The following MUC17 variants were observed in gnomAD, a reference collection of about 807,000 sequenced individuals.
MUC17 encodes mucin-17.
A neutral mutation model predicts 170.3 loss-of-function variants in MUC17; 190 were observed. That is an observed-to-expected ratio of 1.12 (90% CI 0.99 to 1.26). The LOEUF (loss-of-function observed/expected upper bound fraction) is 1.26. Ranked by LOEUF, MUC17 falls within the 50% of genes most tolerant of loss-of-function variation. The probability of loss-of-function intolerance (pLI) is 0.00; values close to 1 mark genes in which losing one functional copy is unlikely to be tolerated. For missense variants in MUC17, 6,415 were observed against 5,530.0 expected, an observed-to-expected ratio of 1.16 and a Z score of -5.08; for synonymous variants, 2,325 against 2,002.5, an observed-to-expected ratio of 1.16 and a Z score of -4.30.
In MUC17 at chr7:101,035,788, A is replaced by T; in HGVS notation, c.4372A>T (p.Lys1458Ter). 2.5e-6 allele frequency: 4 copies of T among 1,609,402 alleles called. No individual in the cohort carries two copies. Among genetic ancestry groups the T allele is most frequent in the Non-Finnish European group, 3.4e-6 (4 of 1,177,594 alleles). ...STPSEGKTPLKSIPVSNTPVA... is the reference protein window; with the variant it reads ...STPSEGKTPL ...TCCTAGTGAAGGAAAGACTCCATTA[A>T]AAAGTATACCTGTCAGCAACACGCC... is the stretch of plus-strand genomic sequence containing the variant. Residue 1458 changes from lysine (K) to a stop codon, truncating the protein, a stop_gained, in exon 3 of 13, where the codon AAA (lysine) becomes TAA (stop). Transcript: ENST00000306151. LOFTEE classifies it high-confidence loss of function.
rs149705635 is a variant in MUC17 at position 101,036,797 on chromosome 7, A to G, written c.5381A>G (p.Glu1794Gly). 16 of 1,606,166 alleles carry G rather than the reference A, an allele frequency of 1.0e-5. No homozygotes were observed. Among genetic ancestry groups the G allele is most frequent in the African/African-American group, 1.4e-5 (1 of 74,038 alleles). ...TEATSSPTTA[E>G]GTSIPTSTLS... Reference sequence around the variant, plus strand: ...GCCACTTCGTCTCCTACAACTGCTGAAGGTACCAGCATACCAACCTCGACT... The same window carrying G: ...GCCACTTCGTCTCCTACAACTGCTGGAGGTACCAGCATACCAACCTCGACT... The change falls in exon 3 of 13, where the codon GAA becomes GGA. Residue 1794 changes from glutamate (E) to glycine (G), a missense_variant. Physicochemically the swap from Glu to Gly is moderately conservative, Grantham distance 98 (BLOSUM62 -2). Transcript: ENST00000306151.
rs147751797 is a variant in MUC17, at chr7:101,036,818, C to T, written c.5402C>T (p.Ser1801Leu). Residue 1801 changes from serine to leucine, a missense_variant, in exon 3 of 13, where the codon TCG (serine) becomes TTG (leucine). Transcript: ENST00000306151. ...GCTGAAGGTACCAGCATACCAACCT[C>T]GACTCTTAGTGAAGGAATGACTCCA... Reference protein sequence around the residue: ...TTAEGTSIPTSTLSEGMTPLT... With the variant: ...TTAEGTSIPTLTLSEGMTPLT... 37 of 1,605,698 alleles carry T rather than the reference C, an allele frequency of 2.3e-5. No individual in the cohort carries two copies. The African/African-American group carries it at 3.2e-4, about 14-fold the overall frequency.
Position 101,035,570 on chromosome 7 carries a change from G to A in MUC17, c.4154G>A (p.Ser1385Asn). The A allele has an allele frequency of 1.9e-6, 3 of 1,602,310 alleles. No individual in the cohort carries two copies. The highest frequency in any genetic ancestry group is 2.6e-6 in the Non-Finnish European group (3 of 1,173,474). Residue 1385 changes from serine to asparagine, a missense_variant, in exon 3 of 13, where the codon AGC (serine) becomes AAC (asparagine). Ser to Asn is a conservative substitution (Grantham distance 46). Coordinates refer to ENST00000306151, the MANE Select transcript of MUC17 (RefSeq NM_001040105.2). ...CSSPTTSEGT[S>N]MPNSNPSEGT... is the part of the protein sequence containing the mutation. ...TCTCCTACAACTTCTGAAGGTACCA[G>A]CATGCCAAACTCAAATCCTAGTGAA...
rs1448213112 is a variant in MUC17 at position 101,020,345 on chromosome 7, C to T, written c.82+128C>T. The stretch of plus-strand genomic sequence containing the variant: ...AGGGGTGTGCCCTCTGCCTGGAGCT[C>T]AGCCCTGTGCCTACCCCCTGGACTT... On this transcript the variant is annotated intron_variant, in intron 1 of 12. Transcript: ENST00000306151. 30 of 636,478 alleles carry T rather than the reference C, an allele frequency of 4.7e-5. No individual in the cohort carries two copies. In the East Asian group the frequency reaches 8.7e-4, roughly 18 times the overall value. 39.4% of individuals were successfully genotyped at this position (636,478 alleles called of 1,614,324 possible). A position where few individuals can be genotyped will look rare whatever the true frequency, so the allele number is the denominator to read the frequency against.
chr7:101,021,308 CTTGAGTAGCTGGGATTACAG>C (rs1451056828), intron 1 of MUC17, among the ~76,000 whole-genome samples: 1 of 151,008 alleles, frequency 6.6e-6, no homozygotes, highest in East Asian at 2.0e-4. Flanking sequence ...GCCTCAGGCT[CTTGAGTAGCTGGGATTACAG>C]CCACATGCCA....
In MUC17 at chr7:101,033,632, C is replaced by T. The variant is rs768408286; in HGVS notation, c.2216C>T (p.Thr739Ile). 3.1e-6 allele frequency: 5 copies of T among 1,613,584 alleles called. No individual in the cohort carries two copies. The highest frequency in any genetic ancestry group is 2.5e-6 in the Non-Finnish European group (3 of 1,179,892). The change falls in exon 3 of 13, where the codon ACC (threonine) becomes ATC (isoleucine). Residue 739 changes from threonine (T) to isoleucine (I), a missense_variant. Thr to Ile is a moderately conservative substitution (Grantham distance 89, BLOSUM62 -1). Transcript: ENST00000306151. The part of the protein sequence containing the change: ...PTTADGASMP[T>I]STPSEGSTPL... ...ACTGCTGATGGTGCCAGTATGCCAA[C>T]CTCAACTCCTAGTGAAGGAAGCACT...
Position 101,033,074 on chromosome 7 carries a change from C to T in MUC17, c.1658C>T (p.Thr553Ile), listed in dbSNP as rs767482085. 93 of 1,613,558 alleles carry T rather than the reference C, an allele frequency of 5.8e-5. No individual in the cohort carries two copies. Among genetic ancestry groups the T allele is most frequent in the Non-Finnish European group, 6.7e-5 (79 of 1,179,954 alleles). Reference protein sequence around the residue: ...TTSSEASSSSTTPEGTSIPTS... With the variant: ...TTSSEASSSSITPEGTSIPTS... ...TCTAGTGAAGCCAGTTCATCTTCTACAACTCCTGAAGGTACCAGCATACCA... is the reference window on the plus strand; with the variant it reads ...TCTAGTGAAGCCAGTTCATCTTCTATAACTCCTGAAGGTACCAGCATACCA... The change falls in exon 3 of 13, where the codon ACA becomes ATA. Residue 553 changes from threonine (T) to isoleucine (I), a missense_variant. Physicochemically the swap from Thr to Ile is moderately conservative, Grantham distance 89. Transcript: ENST00000306151.
Position 101,034,541 on chromosome 7 carries a change from C to A in MUC17, c.3125C>A (p.Thr1042Asn). 6.2e-7 allele frequency: 1 copy of A among 1,613,674 alleles called. No homozygotes were observed. The highest frequency in any genetic ancestry group is 8.5e-7 in the Non-Finnish European group (1 of 1,179,698). The change falls in exon 3 of 13, where the codon ACT (threonine) becomes AAT (asparagine). Residue 1042 changes from threonine to asparagine, a missense_variant. By Grantham distance (65) the Thr-to-Asn change is moderately conservative (BLOSUM62 0). Coordinates refer to ENST00000306151, the MANE Select transcript of MUC17 (RefSeq NM_001040105.2). ...MPTSTPSEGS[T>N]PLTRMPVSTT... ...ACCTCAACTCCTAGTGAAGGAAGCA[C>A]TCCATTAACACGTATGCCTGTCAGC...
At chr7:101,053,617 AAAAAAT>A (rs1211827529) in intron 11 of MUC17, 181 bp downstream of exon 11, 2 of 507,610 alleles carry the variant, frequency 3.9e-6, no homozygotes, top group African/African-American at 3.9e-5. Flanking sequence ...AAAAAAAAAT[AAAAAAT>A]AAAAATAAAA....
chr7:101,039,824 C>T lies in MUC17; in HGVS notation c.8408C>T (p.Ser2803Leu), dbSNP rs777766475. 1 of 1,610,854 alleles carries T rather than the reference C, an allele frequency of 6.2e-7. No homozygotes were observed. The highest frequency in any genetic ancestry group is 2.2e-5 in the East Asian group (1 of 44,782). The change falls in exon 3 of 13, where the codon TCA becomes TTA. Residue 2803 changes from serine (S) to leucine (L), a missense_variant. Coordinates refer to ENST00000306151, the MANE Select transcript of MUC17 (RefSeq NM_001040105.2). ...GCTGAAGTTACCAGCATGCCAACCT[C>T]AACTCCTAGTGAAACAAGTACTCCA... ...TTAEVTSMPTSTPSETSTPLT... is the reference protein window; with the variant it reads ...TTAEVTSMPTLTPSETSTPLT...
chr7:101,047,844 A>T, intron 3 of MUC17, 140 bp from the exon 4 acceptor site: 1 of 1,091,182 alleles, frequency 9.2e-7, no homozygotes, highest in Non-Finnish European at 1.2e-6. Context: ...AAAACAAACA[A>T]ATTAGACAGT....
At position 101,036,798 on chromosome 7, in the gene MUC17, A is replaced by C; in HGVS notation, c.5382A>C (p.Glu1794Asp). 1 of 1,605,980 alleles carries C rather than the reference A, an allele frequency of 6.2e-7. No individual in the cohort carries two copies. Among genetic ancestry groups the C allele is most frequent in the Non-Finnish European group, 8.5e-7 (1 of 1,175,904 alleles). The change falls in exon 3 of 13, where the codon GAA becomes GAC. Residue 1794 changes from glutamate (E) to aspartate (D), a missense_variant. Glu to Asp is a conservative substitution (Grantham distance 45). Transcript: ENST00000306151. ...TEATSSPTTA[E>D]GTSIPTSTLS... ...CCACTTCGTCTCCTACAACTGCTGA[A>C]GGTACCAGCATACCAACCTCGACTC...
chr7:101,047,851 C>G, intron 3 of MUC17, 133 bp from the exon 4 acceptor site: 1 of 1,106,838 alleles, frequency 9.0e-7, no homozygotes, highest in Non-Finnish European at 1.2e-6. Flanking sequence ...ACAAATTAGA[C>G]AGTGTCCGTG....
At chr7:101,049,276 C>G (rs79623401) in intron 5 of MUC17, 48 bp from the exon 6 acceptor site, 1 of 1,613,102 alleles carries the variant, frequency 6.2e-7, no homozygotes, top group South Asian at 1.1e-5. Flanking sequence ...TCCCACAGAA[C>G]GGCCCCGTGG....
In MUC17 at chr7:101,033,826, G is replaced by A. The variant is rs757031028; in HGVS notation, c.2410G>A (p.Gly804Arg). Residue 804 changes from glycine (G) to arginine (R), a missense_variant, in exon 3 of 13, where the codon GGA becomes AGA. By Grantham distance (125) the Gly-to-Arg change is moderately radical. Coordinates refer to ENST00000306151, the MANE Select transcript of MUC17 (RefSeq NM_001040105.2). ...TSMPISTPSE[G>R]SPLLTSIPVS... ...CATGCCAATCTCAACTCCTAGTGAA[G>A]GAAGTCCTTTATTAACAAGTATACC... is the stretch of plus-strand genomic sequence containing the variant. 5.0e-6 allele frequency: 8 copies of A among 1,613,704 alleles called. No individual in the cohort carries two copies. The African/African-American group carries it at 9.4e-5, about 19-fold the overall frequency.
At chr7:101,025,469 C>T (rs534453632) in intron 1 of MUC17, among the ~76,000 whole-genome samples, 1 of 152,020 alleles carries the variant, frequency 6.6e-6, no homozygotes, top group East Asian at 1.9e-4. Flanking sequence ...TTAAGACCAG[C>T]CTGGCTAACA....
At position 101,048,012 on chromosome 7, in the gene MUC17, C is replaced by T. The variant is rs754581788; in HGVS notation, c.12432C>T (p.Ala4144=). The change falls in exon 4 of 13, where the codon GCC becomes GCT. Residue 4144 remains alanine, a synonymous_variant. Coordinates refer to ENST00000306151, the MANE Select transcript of MUC17 (RefSeq NM_001040105.2). ...TTGGAGATGGGTGCCAGAATACGGC[C>T]TCTCGCTGCAAGAATGGAGGCACCT... The part of the protein sequence containing the change: ...TCFGDGCQNT[A]SRCKNGGTWD... 1.2e-6 allele frequency: 2 copies of T among 1,604,856 alleles called. No individual in the cohort carries two copies. The highest frequency in any genetic ancestry group is 1.1e-5 in the South Asian group (1 of 89,556).
chr7:101,035,499 T>A lies in MUC17; in HGVS notation c.4083T>A (p.Pro1361=). 1 of 1,600,170 alleles carries A rather than the reference T, an allele frequency of 6.2e-7. No homozygotes were observed. Among genetic ancestry groups the A allele is most frequent in the Non-Finnish European group, 8.5e-7 (1 of 1,171,996 alleles). ...CAATCAGCATCCTTTCAACAACTCC[T>A]GTTGACAACAGCACACCTGTGACCA... The part of the protein sequence containing the change: ...SSAISILSTT[P]VDNSTPVTTS... Residue 1361 remains proline, a synonymous_variant, in exon 3 of 13, where the codon CCT becomes CCA. Transcript: ENST00000306151.
intron 5 of MUC17, 39 bp downstream of exon 5, chr7:101,049,011 C>T (rs1214254232): frequency 1.2e-6 from 2 of 1,613,168 alleles, no homozygotes; most frequent in Admixed American, 1.7e-5. Flanking sequence ...CTACTCAGTT[C>T]CCCCCAGAGC....
Sources: gnomAD v4.1 joint callset for allele counts (sites outside exome capture counted in the v4.1 genomes callset) on GRCh38, gnomAD v4.1.1 for gene constraint, MANE v1.5 for transcripts, NCBI Gene and HGNC (gene_info 2026-07-23, HGNC 2026-07-21) for gene names.